DPY19L2: variants seen among roughly 807,000 people sequenced by gnomAD.
DPY19L2 encodes dpy-19 like 2.
Under a neutral mutation model 97.9 loss-of-function variants are expected in DPY19L2, and 34 were observed. That is an observed-to-expected ratio of 0.35 (90% confidence interval 0.26 to 0.46). The LOEUF is 0.46. DPY19L2 is among the 20% of genes least tolerant of loss of function. The probability of loss-of-function intolerance (pLI) is 1.00; values close to 1 mark genes in which losing one functional copy is unlikely to be tolerated. For synonymous variants in DPY19L2, 230 were observed against 307.9 expected, an observed-to-expected ratio of 0.75 and a Z score of 2.65; for missense variants, 623 against 911.4, an observed-to-expected ratio of 0.68 and a Z score of 4.07.
At chr12:63,660,721 G>GT (rs1281833876) in intron 4 of DPY19L2, among the ~76,000 whole-genome samples, 2 of 152,232 alleles carry the variant, frequency 1.3e-5, no homozygotes, top group South Asian at 4.2e-4. Flanking sequence ...CTAGAAAGCA[G>GT]TAAGTTTTCA....
intron 4 of DPY19L2, among the ~76,000 whole-genome samples, chr12:63,655,913 T>C (rs1033166474): frequency 7.2e-5 from 11 of 152,208 alleles, no homozygotes; most frequent in African/African-American, 2.7e-4. Context: ...ACTAGGCATT[T>C]ACCGACTGAC....
At chr12:63,606,676 G>A (rs757563832) in intron 12 of DPY19L2, among the ~76,000 whole-genome samples, 1 of 152,034 alleles carries the variant, frequency 6.6e-6, no homozygotes, top group Non-Finnish European at 1.5e-5. Context: ...TAATCTAGGT[G>A]AAATTTTGAA....
intron 16 of DPY19L2, among the ~76,000 whole-genome samples, chr12:63,586,992 A>G (rs1486927141): frequency 6.6e-6 from 1 of 152,120 alleles, no homozygotes; most frequent in Non-Finnish European, 1.5e-5. Flanking sequence ...CACCAATTAG[A>G]AAACGGGTAT....
chr12:63,632,424 GACAA>G (rs1455791038), intron 6 of DPY19L2, among the ~76,000 whole-genome samples: 46 of 152,220 alleles, frequency 3.0e-4, no homozygotes, highest in Admixed American at 3.3e-4. Flanking sequence ...ACCACTAATA[GACAA>G]ACAGAGAGCC....
At chr12:63,608,523 A>G in intron 12 of DPY19L2, 93 bp downstream of exon 12, 1 of 1,171,752 alleles carries the variant, frequency 8.5e-7, no homozygotes, top group Non-Finnish European at 1.2e-6. Context: ...TTAACTATAA[A>G]TCATTAGCAT....
intron 15 of DPY19L2, 119 bp downstream of exon 15, chr12:63,595,847 A>G: frequency 1.1e-6 from 1 of 923,420 alleles, no homozygotes; most frequent in Non-Finnish European, 1.6e-6. Context: ...CTAAATAAAA[A>G]GCAAACTTTT....
At chr12:63,668,756 A>G (rs1896634105), upstream of DPY19L2, 6 of 260,904 alleles carry the variant, frequency 2.3e-5, no homozygotes, top group Middle Eastern at 4.0e-3. Context: ...CGCAGTCCTC[A>G]CCTTGCGCGC....
chr12:63,601,464 G>A (rs1208733777), intron 12 of DPY19L2, among the ~76,000 whole-genome samples: 4 of 152,082 alleles, frequency 2.6e-5, no homozygotes, highest in African/African-American at 4.8e-5. Context: ...AACAAGTAGA[G>A]CAATACAACC....
At chr12:63,613,686 C>A (rs1471010073) in intron 11 of DPY19L2, among the ~76,000 whole-genome samples, 1 of 151,102 alleles carries the variant, frequency 6.6e-6, no homozygotes, top group Admixed American at 6.6e-5. Flanking sequence ...TAATTTCAGA[C>A]ATAAAAAACT....
chr12:63,594,354 T>C (rs1393521583), intron 15 of DPY19L2, among the ~76,000 whole-genome samples: 2 of 151,904 alleles, frequency 1.3e-5, no homozygotes, highest in Non-Finnish European at 2.9e-5. Flanking sequence ...GAAGTATCCT[T>C]GGGGTGAAAA....
At chr12:63,647,209 T>A in intron 5 of DPY19L2, 36 bp downstream of exon 5, 1 of 1,375,546 alleles carries the variant, frequency 7.3e-7, no homozygotes, top group Non-Finnish European at 9.8e-7. Flanking sequence ...TGTTTATGAA[T>A]GTTTACAAAT....
intron 2 of DPY19L2, among the ~76,000 whole-genome samples, chr12:63,664,846 A>G (rs1896135090): frequency 6.6e-6 from 1 of 152,096 alleles, no homozygotes; most frequent in African/African-American, 2.4e-5. Context: ...GGTACCAAAA[A>G]CTGCAGGAAT....
At chr12:63,610,865 A>AAAAAAAAAAAAAAAAAAAAAAAAC (rs1886862255) in intron 11 of DPY19L2, among the ~76,000 whole-genome samples, 1 of 104,168 alleles carries the variant, frequency 9.6e-6, no homozygotes, top group African/African-American at 3.2e-5. Context: ...AAAAAAAAAA[A>AAAAAAAAAAAAAAAAAAAAAAAAC]AAAAAAAAAA....
intron 19 of DPY19L2, among the ~76,000 whole-genome samples, chr12:63,574,035 A>C (rs1259964572): frequency 3.3e-5 from 5 of 152,128 alleles, no homozygotes; most frequent in African/African-American, 7.2e-5. Context: ...ATATTATAGC[A>C]GTGTCATTAT....
intron 4 of DPY19L2, among the ~76,000 whole-genome samples, chr12:63,658,460 C>T (rs191734397): frequency 2.2e-3 from 342 of 152,310 alleles, no homozygotes; most frequent in African/African-American, 8.0e-3. Context: ...CGCCACTGCA[C>T]TTCAACCTGG....
chr12:63,603,077 G>A (rs2137592199), intron 12 of DPY19L2, among the ~76,000 whole-genome samples: 1 of 152,198 alleles, frequency 6.6e-6, no homozygotes, highest in South Asian at 2.1e-4. Flanking sequence ...GCAGGCAAAT[G>A]CCATTTCCAT....
chr12:63,639,419 A>G (rs1408753117), intron 6 of DPY19L2, among the ~76,000 whole-genome samples: 1 of 152,210 alleles, frequency 6.6e-6, no homozygotes, highest in Non-Finnish European at 1.5e-5. Flanking sequence ...GGCAACCTAC[A>G]GAATGGGAGA....
intron 16 of DPY19L2, among the ~76,000 whole-genome samples, chr12:63,586,201 G>A (rs780818602): frequency 6.6e-6 from 1 of 152,116 alleles, no homozygotes; most frequent in Non-Finnish European, 1.5e-5. Flanking sequence ...AAGAAGCAAT[G>A]TCAACAAAAT....
intron 9 of DPY19L2, among the ~76,000 whole-genome samples, chr12:63,620,941 A>T (rs1475811933): frequency 1.3e-5 from 2 of 152,046 alleles, no homozygotes; most frequent in African/African-American, 2.4e-5. Flanking sequence ...CATTATCCTC[A>T]GCAACAGGAA....
Sources: allele counts gnomAD v4.1 joint callset (sites outside exome capture counted in the v4.1 genomes callset), GRCh38; gene constraint gnomAD v4.1.1; transcripts MANE v1.5; gene names NCBI Gene and HGNC (gene_info 2026-07-23, HGNC 2026-07-21).